The following DAB1 variants were observed in gnomAD, a reference collection of about 807,000 sequenced individuals.
DAB1 encodes the protein disabled homolog 1.
DAB1 carries 15 observed loss-of-function variants against 64.6 expected under a neutral mutation model. That is an observed-to-expected ratio of 0.23 (90% CI 0.16 to 0.36). The LOEUF is 0.36. DAB1 is among the 10% of genes least tolerant of loss of function. DAB1 has a pLI of 1.00. For missense variants in DAB1, 596 were observed against 706.7 expected (o/e 0.84, Z 1.78); for synonymous variants, 235 against 251.9 (o/e 0.93, Z 0.64).
At chr1:58,423,942 G>T (rs775034355) in intron 3 of DAB1, among the ~76,000 whole-genome samples, 3 of 152,158 alleles carry the variant, frequency 2.0e-5, no homozygotes, top group Non-Finnish European at 4.4e-5. Context: ...CAGCCCCAAG[G>T]AAAGGATCTA....
At chr1:58,513,484 C>G (rs766888398) in intron 2 of DAB1, among the ~76,000 whole-genome samples, 1 of 152,132 alleles carries the variant, frequency 6.6e-6, no homozygotes, top group Non-Finnish European at 1.5e-5. Flanking sequence ...ACTGTAAGTA[C>G]ACGAAGAAAG....
intron 1 of DAB1, among the ~76,000 whole-genome samples, chr1:57,298,029 G>A (rs1389320972): frequency 6.6e-6 from 1 of 152,134 alleles, no homozygotes; most frequent in Non-Finnish European, 1.5e-5. Context: ...CTGGACCACT[G>A]CAGGTTCCTT....
At chr1:57,252,410 A>G (rs1669416048) in intron 2 of DAB1, among the ~76,000 whole-genome samples, 1 of 152,208 alleles carries the variant, frequency 6.6e-6, no homozygotes, top group Non-Finnish European at 1.5e-5. Flanking sequence ...AAACCTCAGG[A>G]CTATTTCAAG....
chr1:57,537,010 A>T (rs1404976233), intron 7 of DAB1, among the ~76,000 whole-genome samples: 2 of 152,226 alleles, frequency 1.3e-5, no homozygotes, highest in East Asian at 3.8e-4. Context: ...AATTCCTATC[A>T]GATTTTAAAG....
At chr1:58,222,574 T>A (rs1340628479) in intron 4 of DAB1, among the ~76,000 whole-genome samples, 1 of 152,248 alleles carries the variant, frequency 6.6e-6, no homozygotes, top group African/African-American at 2.4e-5. Flanking sequence ...CTATCTTCTT[T>A]GATCCTCCTA....
chr1:58,391,977 C>G lies in DAB1; in HGVS notation n.258-48574G>C, dbSNP rs1230357966. The stretch of plus-strand genomic sequence containing the variant: ...GTCACTAAGCAGCCATCTTGAAATA[C>G]CAGAATGAGTGGGCACATAGGCATT... On this transcript the variant is annotated intron_variant and non_coding_transcript_variant, in intron 3 of 20. Coordinates refer to the DAB1 transcript ENST00000485760. Among the ~76,000 whole-genome samples, 9 of 152,300 alleles carry G rather than the reference C, an allele frequency of 5.9e-5. 1 individual carries two copies. Among genetic ancestry groups the G allele is most frequent in the African/African-American group, 2.2e-4 (9 of 41,566 alleles).
chr1:57,967,623 C>T, intron 5 of DAB1, among the ~76,000 whole-genome samples: 1 of 152,172 alleles, frequency 6.6e-6, no homozygotes, highest in East Asian at 1.9e-4. Flanking sequence ...AAGCGTGCAG[C>T]TCTAGAATCT....
At chr1:57,066,014 A>G (rs765830216) in intron 8 of DAB1, among the ~76,000 whole-genome samples, 11 of 152,258 alleles carry the variant, frequency 7.2e-5, no homozygotes, top group Non-Finnish European at 1.3e-4. Context: ...CGTACTATAC[A>G]TACAGAAGAC....
intron 7 of DAB1, among the ~76,000 whole-genome samples, chr1:57,595,138 G>T (rs1449869081): frequency 6.6e-6 from 1 of 151,760 alleles, no homozygotes; most frequent in East Asian, 1.9e-4. Flanking sequence ...TTTGAATATA[G>T]TTGTTGTTTT....
Position 58,372,802 on chromosome 1 carries a change from G to T in DAB1, n.258-29399C>A, listed in dbSNP as rs115664890. On this transcript the variant is annotated intron_variant and non_coding_transcript_variant, in intron 3 of 20. Transcript: ENST00000485760. ...CAGTTTCCCTTGTCTTCTCTTTCTTGTCTGCCACCATGTAAGACATGCCTT... is the reference window on the plus strand; with the variant it reads ...CAGTTTCCCTTGTCTTCTCTTTCTTTTCTGCCACCATGTAAGACATGCCTT... Among the ~76,000 whole-genome samples, 663 of 152,160 alleles carry T rather than the reference G, an allele frequency of 4.4e-3. 3 individuals carry two copies. The highest frequency in any genetic ancestry group is 0.015 in the African/African-American group (625 of 41,508).
chr1:57,990,752 G>A lies in DAB1; in HGVS notation n.388-106590C>T, dbSNP rs140827194. ...ATGCTGGTCCCATATAATCAGGCCC[G>A]GGGGAGGGGCCCAGACAGAGGGTGG... On this transcript the variant is annotated intron_variant and non_coding_transcript_variant, in intron 5 of 20. Transcript: ENST00000485760. Among the ~76,000 whole-genome samples, 153 of 152,274 alleles carry A rather than the reference G, an allele frequency of 1.0e-3. 3 individuals are homozygous for A. In the East Asian group the frequency reaches 0.027, roughly 27 times the overall value.
chr1:57,369,308 C>A (rs939099050), intron 1 of DAB1, among the ~76,000 whole-genome samples: 50 of 152,348 alleles, frequency 3.3e-4, no homozygotes, highest in African/African-American at 1.1e-3. Flanking sequence ...GGAGATCCAA[C>A]ACTCCCTCAG....
At chr1:57,518,641 T>C (rs747489121) in intron 7 of DAB1, among the ~76,000 whole-genome samples, 5 of 152,186 alleles carry the variant, frequency 3.3e-5, no homozygotes, top group African/African-American at 4.8e-5. Context: ...GGAAAGCTGA[T>C]AAGCAAGCTC....
In DAB1 at chr1:58,530,877, G is replaced by A. The variant is rs115934660; in HGVS notation, n.33-3542C>T. On this transcript the variant is annotated intron_variant and non_coding_transcript_variant, in intron 1 of 20. Transcript: ENST00000485760. ...TTTTCTTCTTTTGCTTATTCTTTCC[G>A]GGTCTGTTTTTCCCTTCCTTGGTTT... 2.9e-3 allele frequency: 1,657 copies of A among 576,416 alleles called. 18 individuals are homozygous for A. The highest frequency in any genetic ancestry group is 0.027 in the African/African-American group (1,465 of 53,406). 35.7% of individuals were successfully genotyped at this position (576,416 alleles called of 1,614,324 possible).
At chr1:57,524,777 A>G (rs2101394391) in intron 7 of DAB1, among the ~76,000 whole-genome samples, 1 of 152,324 alleles carries the variant, frequency 6.6e-6, no homozygotes, top group South Asian at 2.1e-4. Context: ...GTGGATCTTC[A>G]GTTACTTCAG....
intron 3 of DAB1, among the ~76,000 whole-genome samples, chr1:58,393,712 GC>G (rs1027542429): frequency 1.3e-4 from 20 of 152,304 alleles, no homozygotes; most frequent in Admixed American, 1.2e-3. Flanking sequence ...AACACCACAG[GC>G]TGGAGCAGGG....
At chr1:58,199,047 C>T (rs1318368950) in intron 4 of DAB1, among the ~76,000 whole-genome samples, 1 of 152,190 alleles carries the variant, frequency 6.6e-6, no homozygotes, top group Non-Finnish European at 1.5e-5. Context: ...GCAGAGGTTG[C>T]AGTGAGCCAA....
At chr1:58,320,100 TC>T (rs1375236454) in intron 4 of DAB1, among the ~76,000 whole-genome samples, 5 of 152,218 alleles carry the variant, frequency 3.3e-5, no homozygotes, top group African/African-American at 1.2e-4. Flanking sequence ...AAATCCACAC[TC>T]TTCTGCCTGC....
At chr1:58,210,486 G>GA (rs530903902) in intron 4 of DAB1, among the ~76,000 whole-genome samples, 1 of 152,000 alleles carries the variant, frequency 6.6e-6, no homozygotes, top group South Asian at 2.1e-4. Context: ...TGAATTAAAG[G>GA]AAAAAAATAA....
Sources: allele counts gnomAD v4.1 joint callset (sites outside exome capture counted in the v4.1 genomes callset), GRCh38; gene constraint gnomAD v4.1.1; transcripts MANE v1.5; gene names NCBI Gene and HGNC (gene_info 2026-07-23, HGNC 2026-07-21).